Variants in RCAN2 observed in about 807,000 individuals in gnomAD.
The protein encoded by RCAN2 is regulator of calcineurin 2.
In RCAN2, 9 loss-of-function variants were observed where a neutral mutation model predicts 23.6. The ratio of observed to expected loss-of-function variants is 0.38; its 90% CI spans 0.23 to 0.67. The LOEUF is 0.67. Ranked by LOEUF, RCAN2 falls within the 30% of genes least tolerant of loss-of-function variation. RCAN2 has a pLI of 0.51. For synonymous variants in RCAN2, 109 were observed against 115.7 expected (o/e 0.94, Z 0.37); for missense variants, 273 against 302.3 (o/e 0.90, Z 0.72).
chr6:46,233,111 A>G (rs923660521), intron 4 of RCAN2, among the ~76,000 whole-genome samples: 2 of 152,052 alleles, frequency 1.3e-5, no homozygotes, highest in Non-Finnish European at 2.9e-5. Flanking sequence ...GGAATCCTGG[A>G]TGGCTTCTCT....
At chr6:46,291,871 C>T (rs991930118) in intron 2 of RCAN2, among the ~76,000 whole-genome samples, 3 of 151,964 alleles carry the variant, frequency 2.0e-5, no homozygotes, top group African/African-American at 7.3e-5. Context: ...AGGGAAAGTA[C>T]GTGGAATTTG....
intron 2 of RCAN2, among the ~76,000 whole-genome samples, chr6:46,434,646 G>A (rs1234229174): frequency 2.0e-5 from 3 of 152,172 alleles, no homozygotes; most frequent in Non-Finnish European, 2.9e-5. Context: ...CCCACCCCAG[G>A]AGATTCTTAT....
chr6:46,253,822 A>C (rs1766815873), intron 2 of RCAN2, among the ~76,000 whole-genome samples: 1 of 152,188 alleles, frequency 6.6e-6, no homozygotes, highest in African/African-American at 2.4e-5. Context: ...CTATGATTAG[A>C]TATATTGAGA....
At chr6:46,289,954 T>C (rs1252202437) in intron 2 of RCAN2, among the ~76,000 whole-genome samples, 1 of 152,176 alleles carries the variant, frequency 6.6e-6, no homozygotes, top group East Asian at 1.9e-4. Context: ...AAGATTGTCC[T>C]CTACTTCATG....
At chr6:46,463,012 T>C (rs1408789808) in intron 1 of RCAN2, among the ~76,000 whole-genome samples, 4 of 152,172 alleles carry the variant, frequency 2.6e-5, no homozygotes, top group Non-Finnish European at 4.4e-5. Flanking sequence ...AGAAAGATGG[T>C]AAACATTCAT....
chr6:46,340,734 A>T (rs1764290953), intron 2 of RCAN2, among the ~76,000 whole-genome samples: 1 of 152,204 alleles, frequency 6.6e-6, no homozygotes, highest in African/African-American at 2.4e-5. Flanking sequence ...AATAGAAATC[A>T]TTACCTTAAC....
At chr6:46,485,967 A>G (rs1768980049) in intron 1 of RCAN2, among the ~76,000 whole-genome samples, 1 of 152,232 alleles carries the variant, frequency 6.6e-6, no homozygotes, top group South Asian at 2.1e-4. Flanking sequence ...TTTTATATGC[A>G]TTGGACATCT....
At chr6:46,325,594 A>G in intron 2 of RCAN2, 9 of 1,460,824 alleles carry the variant, frequency 6.2e-6, no homozygotes, top group Middle Eastern at 4.6e-4. Flanking sequence ...TGCTCTGGGG[A>G]CGGCTGGAGG....
intron 1 of RCAN2, among the ~76,000 whole-genome samples, chr6:46,488,497 T>C (rs191415337): frequency 4.9e-4 from 75 of 152,330 alleles, no homozygotes; most frequent in Non-Finnish European, 7.3e-4. Flanking sequence ...GGGATAAAGG[T>C]AGAAACAACT....
intron 2 of RCAN2, among the ~76,000 whole-genome samples, chr6:46,263,881 T>C (rs928921644): frequency 2.6e-5 from 4 of 152,016 alleles, no homozygotes; most frequent in Non-Finnish European, 5.9e-5. Flanking sequence ...ATAAACCAAA[T>C]GAGATTTGAG....
intron 2 of RCAN2, among the ~76,000 whole-genome samples, chr6:46,413,859 C>T (rs1766621479): frequency 6.6e-6 from 1 of 152,138 alleles, no homozygotes; most frequent in African/African-American, 2.4e-5. Flanking sequence ...TACCTAATAT[C>T]GTCGGTGGGA....
chr6:46,287,998 C>T (rs1762426697), intron 2 of RCAN2, among the ~76,000 whole-genome samples: 1 of 152,190 alleles, frequency 6.6e-6, no homozygotes, highest in Admixed American at 6.5e-5. Context: ...CACCCAAACC[C>T]CCACTCTCTT....
At chr6:46,258,232 TG>T (rs1416321749) in intron 2 of RCAN2, among the ~76,000 whole-genome samples, 3 of 152,196 alleles carry the variant, frequency 2.0e-5, no homozygotes, top group Non-Finnish European at 4.4e-5. Context: ...AGAACCACTC[TG>T]GATGTGATGG....
At position 46,289,099 on chromosome 6, in the gene RCAN2, C is replaced by A. The variant is rs553238837; in HGVS notation, c.226-40203G>T. On this transcript the variant is annotated intron_variant, in intron 2 of 4. Coordinates refer to ENST00000371374, the MANE Select transcript of RCAN2 (RefSeq NM_001251974.2). ...TGACGGGTGGCTGCAGATGCATCAG[C>A]TATGACTGACAGAGCTAGTTTAACA... Among the ~76,000 whole-genome samples the A allele has an allele frequency of 3.3e-5, 5 of 152,330 alleles. No individual in the cohort carries two copies. In the East Asian group the frequency reaches 9.6e-4, roughly 29 times the overall value.
intron 2 of RCAN2, among the ~76,000 whole-genome samples, chr6:46,402,966 ATT>A (rs58163048): frequency 1.3e-4 from 18 of 143,382 alleles, no homozygotes; most frequent in African/African-American, 2.3e-4. Flanking sequence ...CTACATTTGA[ATT>A]TTTTTTTTTT....
At chr6:46,439,385 G>A (rs994091506) in intron 2 of RCAN2, among the ~76,000 whole-genome samples, 2 of 152,160 alleles carry the variant, frequency 1.3e-5, no homozygotes, top group Non-Finnish European at 2.9e-5. Flanking sequence ...CTAGTGTTTT[G>A]TAGCTATTTC....
chr6:46,362,600 G>T (rs1019229064), intron 2 of RCAN2, among the ~76,000 whole-genome samples: 2 of 151,998 alleles, frequency 1.3e-5, no homozygotes, highest in East Asian at 3.9e-4. Context: ...ATTCTGTCAT[G>T]GTTCTGTATT....
intron 2 of RCAN2, among the ~76,000 whole-genome samples, chr6:46,400,291 C>T (rs1225828152): frequency 6.6e-6 from 1 of 152,170 alleles, no homozygotes; most frequent in African/African-American, 2.4e-5. Context: ...TACCAGGTCC[C>T]TCTCACCCTC....
chr6:46,269,593 CACA>C (rs924878867), intron 2 of RCAN2, among the ~76,000 whole-genome samples: 70 of 152,194 alleles, frequency 4.6e-4, no homozygotes, highest in African/African-American at 1.7e-3. Flanking sequence ...GTCATGCATT[CACA>C]ACATTAGAAT....
Sources: allele counts gnomAD v4.1 joint callset (sites outside exome capture counted in the v4.1 genomes callset), GRCh38; gene constraint gnomAD v4.1.1; transcripts MANE v1.5; gene names NCBI Gene and HGNC (gene_info 2026-07-23, HGNC 2026-07-21).